RPS12: variants seen among roughly 807,000 people sequenced by gnomAD.
The protein encoded by RPS12 is ribosomal protein S12, also known as small ribosomal subunit protein eS12.
Under a neutral mutation model 17.2 loss-of-function variants are expected in RPS12, and 1 was observed. The ratio of observed to expected loss-of-function variants is 0.06; its 90% CI spans 0.02 to 0.28. The LOEUF is 0.28. Among genes scored for constraint, RPS12 ranks in the 10% least tolerant of loss-of-function variants. RPS12 has a pLI of 1.00. For synonymous variants in RPS12, 67 were observed against 54.0 expected (o/e 1.24, Z -1.06); for missense variants, 146 against 162.1 (o/e 0.90, Z 0.54).
rs1346336331 is a variant in RPS12, at chr6:132,814,736, T to G, written c.-33T>G. On this transcript the variant is annotated 5_prime_UTR_variant, in exon 2 of 6. Coordinates refer to ENST00000230050, the MANE Select transcript of RPS12 (RefSeq NM_001016.4). ...GTCAATGCTTTTGTTTTTTAGTGCGTTCAAGATTCAACTTCACCCGTAACC... is the reference window on the plus strand; with the variant it reads ...GTCAATGCTTTTGTTTTTTAGTGCGGTCAAGATTCAACTTCACCCGTAACC... 6.2e-7 allele frequency: 1 copy of G among 1,612,044 alleles called. No homozygotes were observed. Among genetic ancestry groups the G allele is most frequent in the Non-Finnish European group, 8.5e-7 (1 of 1,178,280 alleles).
chr6:132,815,175 T>TAGCGG (rs1187167475), intron 3 of RPS12, 87 bp downstream of exon 3: 2 of 890,386 alleles, frequency 2.2e-6, no homozygotes, highest in Non-Finnish European at 3.8e-6. Context: ...TTCATGGTGT[T>TAGCGG]AGCGCAAAAG....
intron 3 of RPS12, 172 bp downstream of exon 3, chr6:132,815,260 T>G: frequency 1.3e-6 from 1 of 748,260 alleles, no homozygotes; most frequent in Non-Finnish European, 2.5e-6. Context: ...CCACTTAAAA[T>G]GTGTGGGTTG....
intron 5 of RPS12, 81 bp downstream of exon 5, chr6:132,817,142 TATAAAA>T: frequency 1.1e-6 from 1 of 940,506 alleles, no homozygotes. Flanking sequence ...TTGAGGATCT[TATAAAA>T]GGAAAAAACT....
intron 3 of RPS12, chr6:132,815,528 T>C: frequency 4.8e-6 from 2 of 418,144 alleles, no homozygotes; most frequent in South Asian, 3.4e-5. Context: ...TAGATGAATT[T>C]AGTAGTATAA....
chr6:132,816,007 C>CT, intron 3 of RPS12: 1 of 427,398 alleles, frequency 2.3e-6, no homozygotes, highest in South Asian at 1.7e-5. Context: ...AGTTTTTGTA[C>CT]TTTCAGTAGA....
chr6:132,816,601 G>A (rs748003212), intron 4 of RPS12, 38 bp downstream of exon 4: 1 of 1,362,970 alleles, frequency 7.3e-7, no homozygotes, highest in East Asian at 2.3e-5. Flanking sequence ...CTAATGTTCA[G>A]TGATGCTTGT....
intron 2 of RPS12, 82 bp from the exon 3 acceptor site, chr6:132,814,890 T>C (rs12202407): frequency 0.065 from 91,179 of 1,405,196 alleles, 3,302 homozygotes; most frequent in Middle Eastern, 0.091. Context: ...AGCGCGTCTG[T>C]TGTACACTTA....
intron 2 of RPS12, 76 bp downstream of exon 2, chr6:132,814,858 C>A: frequency 6.8e-7 from 1 of 1,470,740 alleles, no homozygotes; most frequent in Non-Finnish European, 9.5e-7. Context: ...CGGAACAGGA[C>A]TGGGTCAAAC....
intron 3 of RPS12, chr6:132,815,398 G>C: frequency 1.8e-6 from 1 of 570,084 alleles, no homozygotes; most frequent in Non-Finnish European, 3.4e-6. Context: ...TGTGGAGCTA[G>C]TCAGTCTTAT....
chr6:132,815,256 A>G, intron 3 of RPS12, 168 bp downstream of exon 3: 1 of 749,324 alleles, frequency 1.3e-6, no homozygotes, highest in East Asian at 2.5e-5. Context: ...AAGCCCACTT[A>G]AAATGTGTGG....
At position 132,817,501 on chromosome 6, in the gene RPS12, G is replaced by T. The variant is rs778103733; in HGVS notation, c.358G>T (p.Ala120Ser). Reference protein sequence around the residue: ...VVKDYGKESQAKDVIEEYFKC... With the variant: ...VVKDYGKESQSKDVIEEYFKC... ...TAAGGACTATGGCAAGGAGTCTCAG[G>T]CCAAGGATGTCATTGAAGAGTATTT... Residue 120 changes from alanine to serine, a missense_variant, in exon 6 of 6, where the codon GCC (alanine) becomes TCC (serine). Coordinates refer to ENST00000230050, the MANE Select transcript of RPS12 (RefSeq NM_001016.4). 32 of 1,610,510 alleles carry T rather than the reference G, an allele frequency of 2.0e-5. No homozygotes were observed. In the East Asian group the frequency reaches 6.0e-4, roughly 30 times the overall value.
At chr6:132,816,356 C>T (rs1028751520) in intron 3 of RPS12, 105 bp from the exon 4 acceptor site, 2 of 796,720 alleles carry the variant, frequency 2.5e-6, no homozygotes, top group Middle Eastern at 3.1e-4. Flanking sequence ...GGATTGGCTG[C>T]TTATGTTTCG....
Position 132,815,023 on chromosome 6 carries a change from G to A in RPS12, c.66G>A (p.Leu22=), listed in dbSNP as rs1428204149. Residue 22 remains leucine (L), a synonymous_variant, in exon 3 of 6, where the codon CTG becomes CTA. Transcript: ENST00000230050. The part of the protein sequence containing the change: ...MDVNTALQEV[L]KTALIHDGLA... The stretch of plus-strand genomic sequence containing the variant: ...TTAATACTGCTTTACAAGAGGTTCT[G>A]AAGACTGCCCTCATCCACGATGGCC... 6.2e-7 allele frequency: 1 copy of A among 1,613,802 alleles called. No homozygotes were observed. The highest frequency in any genetic ancestry group is 1.3e-5 in the African/African-American group (1 of 74,926).
Position 132,814,745 on chromosome 6 carries a change from C to T in RPS12, c.-24C>T, listed in dbSNP as rs542049814. 5 of 1,613,020 alleles carry T rather than the reference C, an allele frequency of 3.1e-6. No homozygotes were observed. Among genetic ancestry groups the T allele is most frequent in the East Asian group, 2.2e-5 (1 of 44,860 alleles). ...TTTGTTTTTTAGTGCGTTCAAGATT[C>T]AACTTCACCCGTAACCCACCGCCAT... On this transcript the variant is annotated 5_prime_UTR_variant, in exon 2 of 6. Transcript: ENST00000230050.
At position 132,814,715 on chromosome 6, in the gene RPS12, A is replaced by G. The variant is rs998010227; in HGVS notation, c.-37-17A>G. On this transcript the variant is annotated splice_polypyrimidine_tract_variant and intron_variant, in intron 1 of 5. Coordinates refer to ENST00000230050, the MANE Select transcript of RPS12 (RefSeq NM_001016.4). ...GAGTATCTGGTTCTTTAACAAGTCA[A>G]TGCTTTTGTTTTTTAGTGCGTTCAA... The G allele has an allele frequency of 3.7e-6, 6 of 1,600,972 alleles. No homozygotes were observed. The African/African-American group carries it at 4.0e-5, about 11-fold the overall frequency.
At chr6:132,815,137 C>T in intron 3 of RPS12, 49 bp downstream of exon 3, 1 of 1,190,870 alleles carries the variant, frequency 8.4e-7, no homozygotes, top group South Asian at 1.2e-5. Context: ...CGGAACAAAA[C>T]TGCCACCCAA....
intron 4 of RPS12, 71 bp downstream of exon 4, chr6:132,816,634 G>C: frequency 9.8e-7 from 1 of 1,017,254 alleles, no homozygotes; most frequent in South Asian, 1.3e-5. Flanking sequence ...ATTCTGTGAA[G>C]TCTCAAGCTG....
chr6:132,815,273 G>A (rs571788651), intron 3 of RPS12, 185 bp downstream of exon 3: 4 of 745,544 alleles, frequency 5.4e-6, no homozygotes, highest in South Asian at 2.7e-5. Flanking sequence ...GTGGGTTGCT[G>A]TTTGGAATGG....
At chr6:132,815,563 GAT>G in intron 3 of RPS12, 1 of 440,782 alleles carries the variant, frequency 2.3e-6, no homozygotes, top group South Asian at 1.6e-5. Context: ...TTGAATTTGG[GAT>G]ATTTGTTAAT....
Sources: allele counts gnomAD v4.1 joint callset, GRCh38; gene constraint gnomAD v4.1.1; transcripts MANE v1.5; gene names NCBI Gene and HGNC (gene_info 2026-07-23, HGNC 2026-07-21).